CECR2: variants seen among roughly 807,000 people sequenced by gnomAD.
The protein encoded by CECR2 is chromatin remodeling regulator CECR2.
A neutral mutation model predicts 154.5 loss-of-function variants in CECR2; 30 were observed. The ratio of observed to expected loss-of-function variants is 0.19; its 90% CI spans 0.15 to 0.26. CECR2 has a LOEUF of 0.26. CECR2 is among the 10% of genes least tolerant of loss of function. The pLI is 1.00. For missense variants in CECR2, 1,743 were observed against 1,829.3 expected, an observed-to-expected ratio of 0.95 and a Z score of 0.86; for synonymous variants, 725 against 683.7, an observed-to-expected ratio of 1.06 and a Z score of -0.94.
At chr22:17,537,080 C>T (rs767035443) in intron 9 of CECR2, 23 bp from the exon 10 acceptor site, 11 of 1,612,870 alleles carry the variant, frequency 6.8e-6, no homozygotes, top group Admixed American at 1.7e-5. Flanking sequence ...GCTTAGCTCA[C>T]TCAGCCTTTG....
At chr22:17,393,149 G>A (rs2053756648) in intron 1 of CECR2, among the ~76,000 whole-genome samples, 1 of 152,132 alleles carries the variant, frequency 6.6e-6, no homozygotes, top group Non-Finnish European at 1.5e-5. Context: ...AAGAAACCCT[G>A]TACCCTTGAG....
At chr22:17,507,437 T>G (rs981736080) in intron 7 of CECR2, among the ~76,000 whole-genome samples, 2 of 152,232 alleles carry the variant, frequency 1.3e-5, no homozygotes, top group African/African-American at 2.4e-5. Flanking sequence ...TGTAAAGAGA[T>G]AGTTTTTATG....
At position 17,535,474 on chromosome 22, in the gene CECR2, T is replaced by C. The variant is rs560808435; in HGVS notation, c.1109-1629T>C. On this transcript the variant is annotated intron_variant, in intron 9 of 18. Coordinates refer to ENST00000262608, the MANE Select transcript of CECR2 (RefSeq NM_001290047.2). ...TTACACACATGCTTGAGAAGACATG[T>C]TTTAAAATAACTTTGTTGATACTAT... Among the ~76,000 whole-genome samples the C allele has an allele frequency of 2.0e-5, 3 of 152,284 alleles. No individual in the cohort carries two copies. The South Asian group carries it at 6.2e-4, about 32-fold the overall frequency.
chr22:17,499,132 G>A lies in CECR2; in HGVS notation c.406-278G>A, dbSNP rs369087880. ...AGCCTCCCGAGTAGCTGGGATTACA[G>A]GCGCGCGCCACCACGCCCAGCTGAT... On this transcript the variant is annotated intron_variant, in intron 3 of 18. Coordinates refer to ENST00000262608, the MANE Select transcript of CECR2 (RefSeq NM_001290047.2). Among the ~76,000 whole-genome samples, 52 of 152,164 alleles carry A rather than the reference G, an allele frequency of 3.4e-4. 2 individuals carry two copies. The East Asian group carries it at 9.7e-3, about 28-fold the overall frequency.
At chr22:17,499,381 C>T (rs753252584) in intron 3 of CECR2, 29 bp from the exon 4 acceptor site, 1 of 1,593,992 alleles carries the variant, frequency 6.3e-7, no homozygotes, top group Admixed American at 1.8e-5. Context: ...TCCCCATTTC[C>T]CCAAACCCCT....
Position 17,490,138 on chromosome 22 carries a change from G to GTT in CECR2, c.222-7256_222-7255dup, listed in dbSNP as rs759001714. ...ATACTGTTGAGATCTGTTCCTTACT[G>GTT]TTTTTTTTTTGTGTGTGTGTGTGTG... On this transcript the variant is annotated intron_variant, in intron 2 of 18. Coordinates refer to ENST00000262608, the MANE Select transcript of CECR2 (RefSeq NM_001290047.2). Among the ~76,000 whole-genome samples the GTT allele has an allele frequency of 1.3e-3, 193 of 146,694 alleles. 1 individual carries two copies. Among genetic ancestry groups the GTT allele is most frequent in the African/African-American group, 4.5e-3 (180 of 39,772 alleles).
chr22:17,395,323 C>T (rs544281920), intron 1 of CECR2, among the ~76,000 whole-genome samples: 2 of 152,032 alleles, frequency 1.3e-5, no homozygotes, highest in South Asian at 4.2e-4. Flanking sequence ...CCTCCGCACC[C>T]GGCTCGAATA....
chr22:17,461,350 TTC>T (rs2054934795), intron 1 of CECR2, among the ~76,000 whole-genome samples: 1 of 152,264 alleles, frequency 6.6e-6, no homozygotes, highest in African/African-American at 2.4e-5. Context: ...CTTTTAAATA[TTC>T]TGTTTGTGAG....
rs1487424465 is a variant in CECR2 at position 17,541,976 on chromosome 22, C to G, written c.2013+9C>G. On this transcript the variant is annotated intron_variant, in intron 15 of 18. Coordinates refer to ENST00000262608, the MANE Select transcript of CECR2 (RefSeq NM_001290047.2). ...AGCCTTTCACCATGCAGGTAAGCAGCCTACTCTGGAGGTGCAGGTGCAGGG... is the reference window on the plus strand; with the variant it reads ...AGCCTTTCACCATGCAGGTAAGCAGGCTACTCTGGAGGTGCAGGTGCAGGG... The G allele has an allele frequency of 1.9e-6, 3 of 1,610,162 alleles. No homozygotes were observed. The highest frequency in any genetic ancestry group is 2.5e-6 in the Non-Finnish European group (3 of 1,178,100).
intron 8 of CECR2, among the ~76,000 whole-genome samples, chr22:17,512,142 A>T (rs2055968373): frequency 6.6e-6 from 1 of 152,168 alleles, no homozygotes; most frequent in African/African-American, 2.4e-5. Context: ...AAGAATACGT[A>T]CTGCAATAGG....
upstream of CECR2, among the ~76,000 whole-genome samples, chr22:17,365,498 G>A (rs758574737): frequency 4.0e-5 from 6 of 151,796 alleles, 1 homozygote; most frequent in South Asian, 4.2e-4. Flanking sequence ...ATCGAGACCA[G>A]CCTGGCTAAC....
chr22:17,401,926 A>G (rs924428294), intron 1 of CECR2, among the ~76,000 whole-genome samples: 1 of 144,468 alleles, frequency 6.9e-6, no homozygotes, highest in South Asian at 2.2e-4. Flanking sequence ...CACTCCTCCC[A>G]CTTCAGCCTG....
intron 1 of CECR2, among the ~76,000 whole-genome samples, chr22:17,396,824 AC>A (rs1331484969): frequency 6.6e-6 from 1 of 152,208 alleles, no homozygotes; most frequent in Non-Finnish European, 1.5e-5. Context: ...AACCAGAAGG[AC>A]AAGTTATGAG....
At chr22:17,444,416 C>A (rs2054628657) in intron 1 of CECR2, among the ~76,000 whole-genome samples, 1 of 152,108 alleles carries the variant, frequency 6.6e-6, no homozygotes, top group South Asian at 2.1e-4. Flanking sequence ...CAGTTAAGGT[C>A]AGGAGTCCGA....
At position 17,538,635 on chromosome 22, in the gene CECR2, T is replaced by C. The variant is rs757731634; in HGVS notation, c.1277-5T>C. ...GTGTGTTAAGATCTCTTCTCTGGCT[T>C]TCAGTTCTAGACGTGGTAAAGGCTC... is the stretch of plus-strand genomic sequence containing the variant. On this transcript the variant is annotated splice_polypyrimidine_tract_variant and splice_region_variant and intron_variant, in intron 11 of 18. Transcript: ENST00000262608. 23 of 1,613,900 alleles carry C rather than the reference T, an allele frequency of 1.4e-5. No individual in the cohort carries two copies. The highest frequency in any genetic ancestry group is 1.7e-6 in the Non-Finnish European group (2 of 1,179,876).
chr22:17,511,699 A>G (rs1601489424), intron 7 of CECR2, 114 bp from the exon 8 acceptor site: 2 of 767,248 alleles, frequency 2.6e-6, no homozygotes, highest in East Asian at 5.1e-5. Context: ...CTTTGGCCCT[A>G]ACCTGTGTGC....
chr22:17,360,944 C>T (rs2062973786), intron 1 of CECR2, among the ~76,000 whole-genome samples: 1 of 151,816 alleles, frequency 6.6e-6, no homozygotes, highest in East Asian at 1.9e-4. Flanking sequence ...GGGTAGATTG[C>T]TTTAGCCCAG....
chr22:17,390,509 T>G (rs2063314940), intron 1 of CECR2, among the ~76,000 whole-genome samples: 1 of 152,270 alleles, frequency 6.6e-6, no homozygotes, highest in Admixed American at 6.5e-5. Context: ...TTCTCCAAAT[T>G]AACCCGTTAG....
intron 16 of CECR2, among the ~76,000 whole-genome samples, chr22:17,547,812 T>C (rs892604342): frequency 3.9e-5 from 6 of 152,144 alleles, no homozygotes; most frequent in African/African-American, 1.4e-4. Flanking sequence ...CCTCCCAGTG[T>C]GTTTCACGTG....
Sources: gnomAD v4.1 joint callset for allele counts (sites outside exome capture counted in the v4.1 genomes callset) on GRCh38, gnomAD v4.1.1 for gene constraint, MANE v1.5 for transcripts, NCBI Gene and HGNC (gene_info 2026-07-23, HGNC 2026-07-21) for gene names.